The following DDX10 variants were observed in gnomAD, a reference collection of about 807,000 sequenced individuals.
DDX10 encodes DEAD-box helicase 10.
DDX10 carries 74 observed loss-of-function variants against 104.3 expected under a neutral mutation model. The observed-to-expected ratio is 0.71, with a 90% CI of 0.59 to 0.86. The LOEUF (loss-of-function observed/expected upper bound fraction) is 0.86, where lower values mean the gene tolerates loss of function less well. DDX10 is among the 40% of genes least tolerant of loss of function. The pLI, the probability that DDX10 is intolerant of heterozygous loss-of-function variation, is 0.00. For missense variants in DDX10, 952 were observed against 1,040.0 expected (o/e 0.92, Z 1.16); for synonymous variants, 351 against 353.4 (o/e 0.99, Z 0.08).
intron 4 of DDX10, 53 bp from the exon 5 acceptor site, chr11:108,678,262 C>T (rs772925441): frequency 5.3e-5 from 83 of 1,565,766 alleles, no homozygotes; most frequent in Non-Finnish European, 6.6e-5. Context: ...CTTTGGTACA[C>T]AGGCTGCTGA....
At chr11:108,725,518 G>A (rs1299583773) in intron 13 of DDX10, among the ~76,000 whole-genome samples, 1 of 152,076 alleles carries the variant, frequency 6.6e-6, no homozygotes, top group Non-Finnish European at 1.5e-5. Context: ...TAGTAGGCAT[G>A]TAGTGATACC....
intron 10 of DDX10, among the ~76,000 whole-genome samples, chr11:108,715,612 A>T (rs919121456): frequency 6.6e-5 from 10 of 152,344 alleles, no homozygotes; most frequent in South Asian, 2.1e-4. Flanking sequence ...TAAGTAGCCA[A>T]TGCTAACTGT....
At chr11:108,925,446 G>T (rs1481131126) in intron 17 of DDX10, among the ~76,000 whole-genome samples, 2 of 152,208 alleles carry the variant, frequency 1.3e-5, no homozygotes, top group African/African-American at 4.8e-5. Flanking sequence ...ATGAGGCTAA[G>T]ATGAACCACC....
chr11:108,855,562 C>T (rs555301095), intron 16 of DDX10, among the ~76,000 whole-genome samples: 1 of 152,268 alleles, frequency 6.6e-6, no homozygotes, highest in South Asian at 2.1e-4. Context: ...CAGGTTCAAG[C>T]GATTCTCCTG....
intron 13 of DDX10, among the ~76,000 whole-genome samples, chr11:108,759,137 C>T (rs1447862829): frequency 6.6e-6 from 1 of 151,892 alleles, no homozygotes; most frequent in East Asian, 1.9e-4. Context: ...ACTAGTATGG[C>T]TAATAAAATA....
At chr11:108,862,995 A>G (rs1257745897) in intron 16 of DDX10, among the ~76,000 whole-genome samples, 1 of 152,254 alleles carries the variant, frequency 6.6e-6, no homozygotes, top group Non-Finnish European at 1.5e-5. Flanking sequence ...AGATCATCTA[A>G]TAAAGAAGTG....
intron 15 of DDX10, among the ~76,000 whole-genome samples, chr11:108,842,143 C>A (rs1257740255): frequency 6.6e-6 from 1 of 152,102 alleles, no homozygotes; most frequent in Non-Finnish European, 1.5e-5. Flanking sequence ...TGGTCTTGAA[C>A]TTGGCAGTTT....
At chr11:108,760,155 A>G (rs1162260517) in intron 13 of DDX10, among the ~76,000 whole-genome samples, 1 of 150,800 alleles carries the variant, frequency 6.6e-6, no homozygotes, top group Admixed American at 6.6e-5. Context: ...TGTATGGTGT[A>G]CGTGGGTTGA....
In DDX10 at chr11:108,710,462, T is replaced by A. The variant is rs187754871; in HGVS notation, c.1322+3625T>A. On this transcript the variant is annotated intron_variant, in intron 10 of 17. Transcript: ENST00000322536. Reference sequence around the variant, plus strand: ...TTTTCCCTTAAAACTTTTTTTTTTTTAAATGGAGCCTAGGCCTACACAGGG... The same window carrying A: ...TTTTCCCTTAAAACTTTTTTTTTTTAAAATGGAGCCTAGGCCTACACAGGG... 4.3e-4 allele frequency among the ~76,000 whole-genome samples: 66 copies of A among 152,008 alleles called. No homozygotes were observed. The East Asian group carries it at 0.012, about 28-fold the overall frequency.
chr11:108,902,532 A>C (rs1565313698), intron 16 of DDX10, among the ~76,000 whole-genome samples: 1 of 152,178 alleles, frequency 6.6e-6, no homozygotes, highest in African/African-American at 2.4e-5. Flanking sequence ...GAATTTATGT[A>C]ATGGGAATAT....
intron 14 of DDX10, among the ~76,000 whole-genome samples, chr11:108,840,420 A>G (rs892682847): frequency 2.6e-5 from 3 of 117,108 alleles, no homozygotes; most frequent in East Asian, 6.8e-4. Context: ...TAGATAAAAC[A>G]AGAGTTATTG....
intron 3 of DDX10, among the ~76,000 whole-genome samples, chr11:108,676,363 C>T (rs1176366394): frequency 6.6e-6 from 1 of 151,302 alleles, no homozygotes; most frequent in African/African-American, 2.4e-5. Context: ...TGTTTTTGCC[C>T]CCTTAAAAAA....
intron 1 of DDX10, among the ~76,000 whole-genome samples, chr11:108,671,528 A>G (rs1329527543): frequency 3.9e-5 from 6 of 152,246 alleles, no homozygotes; most frequent in African/African-American, 1.4e-4. Context: ...TCCTTGGAAT[A>G]TAACAGAATA....
At chr11:108,908,340 CT>C (rs1427938810) in intron 16 of DDX10, among the ~76,000 whole-genome samples, 1 of 152,060 alleles carries the variant, frequency 6.6e-6, no homozygotes, top group East Asian at 1.9e-4. Context: ...TCTTTTTAAT[CT>C]TTACATTCCT....
At chr11:108,759,735 A>C (rs531728051) in intron 13 of DDX10, among the ~76,000 whole-genome samples, 22 of 151,986 alleles carry the variant, frequency 1.4e-4, no homozygotes, top group Non-Finnish European at 2.6e-4. Context: ...TCCATGGATA[A>C]TATCTCACGA....
intron 13 of DDX10, among the ~76,000 whole-genome samples, chr11:108,803,695 A>G (rs981213518): frequency 1.3e-5 from 2 of 152,040 alleles, no homozygotes; most frequent in Non-Finnish European, 2.9e-5. Context: ...TATTGAATTC[A>G]TGTGAAATAT....
Position 108,853,080 on chromosome 11 carries a change from A to C in DDX10, c.2304+871A>C, listed in dbSNP as rs544513655. Among the ~76,000 whole-genome samples the C allele has an allele frequency of 3.3e-5, 5 of 152,288 alleles. No individual in the cohort carries two copies. In the East Asian group the frequency reaches 7.7e-4, roughly 24 times the overall value. On this transcript the variant is annotated intron_variant, in intron 16 of 17. Transcript: ENST00000322536. ...GTGGGAAGCAATTATTTAATACTGA[A>C]TATAAGCAGAAAAGACTGCTTATAT... is the stretch of plus-strand genomic sequence containing the variant.
chr11:108,745,987 T>G (rs1468697022), intron 13 of DDX10, among the ~76,000 whole-genome samples: 1 of 152,178 alleles, frequency 6.6e-6, no homozygotes, highest in Non-Finnish European at 1.5e-5. Flanking sequence ...CACAAACTTG[T>G]TCAGCCATTA....
At chr11:108,721,374 A>G (rs2094298157) in intron 12 of DDX10, among the ~76,000 whole-genome samples, 1 of 152,202 alleles carries the variant, frequency 6.6e-6, no homozygotes, top group Admixed American at 6.5e-5. Flanking sequence ...ATTTCTGAAT[A>G]TGATCCATGG....
Sources: gnomAD v4.1 joint callset for allele counts (sites outside exome capture counted in the v4.1 genomes callset) on GRCh38, gnomAD v4.1.1 for gene constraint, MANE v1.5 for transcripts, NCBI Gene and HGNC (gene_info 2026-07-23, HGNC 2026-07-21) for gene names.